Variants in ADGRL2 observed in about 807,000 individuals in gnomAD.
The protein encoded by ADGRL2 is calcium-independent alpha-latrotoxin receptor 2.
A neutral mutation model predicts 157.4 loss-of-function variants in ADGRL2; 44 were observed. The observed-to-expected ratio is 0.28, with a 90% CI of 0.22 to 0.36. ADGRL2 has a LOEUF of 0.36. Ranked by LOEUF, ADGRL2 falls within the 10% of genes least tolerant of loss-of-function variation. The probability of loss-of-function intolerance (pLI) is 1.00; values close to 1 mark genes in which losing one functional copy is unlikely to be tolerated. For missense variants in ADGRL2, 1,510 were observed against 1,768.9 expected, an observed-to-expected ratio of 0.85 and a Z score of 2.63; for synonymous variants, 585 against 624.7, an observed-to-expected ratio of 0.94 and a Z score of 0.95.
chr1:81,975,702 C>T (rs541328788), intron 17 of ADGRL2, among the ~76,000 whole-genome samples: 1 of 152,056 alleles, frequency 6.6e-6, no homozygotes, highest in Admixed American at 6.6e-5. Flanking sequence ...CCATTTATGT[C>T]ATGAGAAAAA....
intron 1 of ADGRL2, chr1:81,721,589 C>A: frequency 1.9e-6 from 1 of 532,554 alleles, no homozygotes; most frequent in Non-Finnish European, 3.4e-6. Flanking sequence ...ACCCCAGTTT[C>A]TACCAAAAAA....
chr1:81,943,387 T>C lies in ADGRL2; in HGVS notation c.828T>C (p.Gly276=). ...TDIDLAVDEN[G]LWVIYATEQN... ...TCGACCTAGCAGTTGATGAAAATGG[T>C]TTATGGGTCATTTACGCCACTGAAC... Residue 276 remains glycine (G), a synonymous_variant, in exon 6 of 24, where the codon GGT becomes GGC. Transcript: ENST00000686636. This position sits in a 1 kb window ranked among gnomAD's most constrained non-coding sequence, Gnocchi z 5.6. 6.2e-7 allele frequency: 1 copy of C among 1,613,628 alleles called. No homozygotes were observed. The highest frequency in any genetic ancestry group is 8.5e-7 in the Non-Finnish European group (1 of 1,179,766).
chr1:81,664,657 A>C (rs556236285), intron 3 of ADGRL2, among the ~76,000 whole-genome samples: 2 of 152,316 alleles, frequency 1.3e-5, no homozygotes, highest in South Asian at 4.1e-4. Flanking sequence ...AGTTTCCAAA[A>C]TCTGAAAAGC....
chr1:81,357,735 A>C (rs558061554), intron 1 of ADGRL2, among the ~76,000 whole-genome samples: 4 of 152,156 alleles, frequency 2.6e-5, no homozygotes, highest in Non-Finnish European at 5.9e-5. Context: ...GTAGGAAGTT[A>C]ATACATTGCC....
intron 2 of ADGRL2, among the ~76,000 whole-genome samples, chr1:81,874,382 T>A (rs2093774562): frequency 6.6e-6 from 1 of 152,142 alleles, no homozygotes; most frequent in Non-Finnish European, 1.5e-5. Flanking sequence ...TTATCAAAAG[T>A]AACAGTCAAC....
At chr1:81,786,686 A>AT (rs1215585369) in intron 2 of ADGRL2, among the ~76,000 whole-genome samples, 1 of 152,232 alleles carries the variant, frequency 6.6e-6, no homozygotes, top group African/African-American at 2.4e-5. Flanking sequence ...TTAAGGAAGA[A>AT]TTTTTTAAAC....
intron 3 of ADGRL2, among the ~76,000 whole-genome samples, chr1:81,670,856 C>A (rs2082860455): frequency 6.6e-6 from 1 of 152,142 alleles, no homozygotes; most frequent in South Asian, 2.1e-4. Flanking sequence ...ACTACAGGTA[C>A]ACGCCACCAT....
chr1:81,621,860 T>A (rs1460433322), intron 3 of ADGRL2, among the ~76,000 whole-genome samples: 3 of 85,456 alleles, frequency 3.5e-5, no homozygotes, highest in Non-Finnish European at 6.3e-5. Flanking sequence ...AAAGTCATGC[T>A]GCTATCTGGA....
chr1:81,691,532 C>T (rs540785577), intron 3 of ADGRL2, among the ~76,000 whole-genome samples: 2 of 151,676 alleles, frequency 1.3e-5, no homozygotes, highest in African/African-American at 2.4e-5. Context: ...GAGTTTCGCT[C>T]TTGTTGCCCA....
chr1:81,378,037 G>A (rs991103977), intron 1 of ADGRL2, among the ~76,000 whole-genome samples: 2 of 152,068 alleles, frequency 1.3e-5, no homozygotes, highest in African/African-American at 2.4e-5. Flanking sequence ...AAATTAGCTG[G>A]GCGTGGTGGT....
intron 1 of ADGRL2, among the ~76,000 whole-genome samples, chr1:81,344,073 A>G (rs919527036): frequency 6.6e-6 from 1 of 151,984 alleles, no homozygotes; most frequent in Admixed American, 6.6e-5. Context: ...CAAAGAAAAA[A>G]AAATTTTTCT....
At chr1:81,721,671 C>A in intron 1 of ADGRL2, 1 of 1,094,238 alleles carries the variant, frequency 9.1e-7, no homozygotes, top group Non-Finnish European at 1.4e-6. Flanking sequence ...AGCTCTTCAG[C>A]TTCGCCCACT....
chr1:81,803,789 C>G (rs534964429), intron 1 of ADGRL2, among the ~76,000 whole-genome samples: 33 of 152,266 alleles, frequency 2.2e-4, no homozygotes, highest in African/African-American at 7.9e-4. Flanking sequence ...ATTCTGCATT[C>G]TTTCAGTACG....
At chr1:81,863,132 G>A (rs375011393) in intron 2 of ADGRL2, among the ~76,000 whole-genome samples, 2 of 152,068 alleles carry the variant, frequency 1.3e-5, no homozygotes, top group African/African-American at 4.8e-5. Flanking sequence ...ATTAATAGCC[G>A]GTGCTAGCTG....
intron 3 of ADGRL2, among the ~76,000 whole-genome samples, chr1:81,613,631 G>A (rs993596290): frequency 6.6e-6 from 1 of 152,136 alleles, no homozygotes; most frequent in African/African-American, 2.4e-5. Context: ...GGACTAAGAA[G>A]CTTGGGTCAG....
At chr1:81,951,808 C>T (rs1651890643) in intron 8 of ADGRL2, 149 bp from the exon 9 acceptor site, 1 of 489,660 alleles carries the variant, frequency 2.0e-6, no homozygotes, top group Non-Finnish European at 3.6e-6. Flanking sequence ...CTTGAAACTT[C>T]TAAGACGAAG....
chr1:81,830,572 A>T (rs988815162), intron 1 of ADGRL2, among the ~76,000 whole-genome samples: 6 of 152,082 alleles, frequency 3.9e-5, no homozygotes, highest in African/African-American at 1.4e-4. Flanking sequence ...CAGTGGCCTC[A>T]TCTCTGCTCA....
rs118133891 is a variant in ADGRL2, at chr1:81,337,549, A to G, written c.-302+31040A>G. 2.8e-3 allele frequency among the ~76,000 whole-genome samples: 421 copies of G among 152,342 alleles called. 5 individuals carry two copies. In the South Asian group the frequency reaches 0.052, roughly 19 times the overall value. Reference sequence around the variant, plus strand: ...AATTTCCTGTTTCAATTCTAGCATTATGAGAGCTCTCAGAGAAATCATCAT... The same window carrying G: ...AATTTCCTGTTTCAATTCTAGCATTGTGAGAGCTCTCAGAGAAATCATCAT... On this transcript the variant is annotated intron_variant, in intron 1 of 24. Coordinates refer to the ADGRL2 transcript ENST00000370721.
chr1:81,415,410 A>G (rs960430675), intron 1 of ADGRL2, among the ~76,000 whole-genome samples: 2 of 152,222 alleles, frequency 1.3e-5, no homozygotes, highest in African/African-American at 4.8e-5. Context: ...CCATTAATTT[A>G]TTAAAGAAGT....
Sources: gnomAD v4.1 joint callset for allele counts (sites outside exome capture counted in the v4.1 genomes callset) on GRCh38, gnomAD v4.1.1 for gene constraint, Gnocchi (gnomAD v3.1) non-coding constraint, MANE v1.5 for transcripts, NCBI Gene and HGNC (gene_info 2026-07-23, HGNC 2026-07-21) for gene names.